Variants in TTLL5 observed in about 807,000 individuals in gnomAD.
TTLL5 encodes tubulin tyrosine ligase like 5.
TTLL5 carries 132 observed loss-of-function variants against 168.4 expected under a neutral mutation model. The ratio of observed to expected loss-of-function variants is 0.78; its 90% CI spans 0.68 to 0.91. The LOEUF (loss-of-function observed/expected upper bound fraction) is 0.91. TTLL5 is among the 40% of genes least tolerant of loss of function. The pLI is 0.00. For synonymous variants in TTLL5, 546 were observed against 558.6 expected, an observed-to-expected ratio of 0.98 and a Z score of 0.32; for missense variants, 1,545 against 1,581.5, an observed-to-expected ratio of 0.98 and a Z score of 0.39.
chr14:75,692,988 G>A (rs1372375613), intron 6 of TTLL5, among the ~76,000 whole-genome samples: 14 of 152,170 alleles, frequency 9.2e-5, no homozygotes, highest in South Asian at 8.3e-4. Flanking sequence ...CAGCAGCACC[G>A]CAGAGAATCA....
At chr14:75,935,952 A>G (rs1214211354) in intron 31 of TTLL5, among the ~76,000 whole-genome samples, 1 of 152,238 alleles carries the variant, frequency 6.6e-6, no homozygotes, top group Non-Finnish European at 1.5e-5. Context: ...AGTTTTTAAA[A>G]GAGAAAACCC....
chr14:75,700,455 A>G (rs1886188532), intron 7 of TTLL5, among the ~76,000 whole-genome samples: 1 of 152,146 alleles, frequency 6.6e-6, no homozygotes, highest in South Asian at 2.1e-4. Flanking sequence ...AGGCAAAAAC[A>G]CTTCAAATGA....
chr14:75,712,307 C>T (rs1405515872), intron 9 of TTLL5: 1 of 151,738 alleles, frequency 6.6e-6, no homozygotes, highest in Non-Finnish European at 1.5e-5. Context: ...AATGCCTACA[C>T]CTGTTGAAGG....
Position 75,891,623 on chromosome 14 carries a change from A to G in TTLL5, c.3740+8721A>G, listed in dbSNP as rs143942995. On this transcript the variant is annotated intron_variant, in intron 30 of 31. Transcript: ENST00000298832. The stretch of plus-strand genomic sequence containing the variant: ...GCAAATGGCAGTGGTGATGGTGGAG[A>G]TGGAAGTGGTGGAGATAGTGATGGC... Among the ~76,000 whole-genome samples the G allele has an allele frequency of 2.6e-5, 4 of 152,254 alleles. No homozygotes were observed. In the East Asian group the frequency reaches 5.8e-4, roughly 22 times the overall value.
At chr14:75,724,891 T>C (rs1355235325) in intron 12 of TTLL5, among the ~76,000 whole-genome samples, 1 of 152,212 alleles carries the variant, frequency 6.6e-6, no homozygotes, top group Non-Finnish European at 1.5e-5. Context: ...TGAGAATAGC[T>C]TTTGGATCAG....
intron 24 of TTLL5, among the ~76,000 whole-genome samples, chr14:75,781,551 C>T (rs1358216055): frequency 6.6e-6 from 1 of 152,156 alleles, no homozygotes; most frequent in Non-Finnish European, 1.5e-5. Flanking sequence ...ATGATTAGCT[C>T]TGGCTATTCT....
intron 26 of TTLL5, among the ~76,000 whole-genome samples, chr14:75,784,006 A>G (rs1892220262): frequency 6.6e-6 from 1 of 152,376 alleles, no homozygotes; most frequent in East Asian, 1.9e-4. Context: ...TTTTAATAAC[A>G]GCTTTATTGA....
intron 28 of TTLL5, among the ~76,000 whole-genome samples, chr14:75,858,357 A>C (rs892961452): frequency 9.2e-5 from 14 of 152,254 alleles, no homozygotes; most frequent in African/African-American, 3.4e-4. Flanking sequence ...AAGAAATGCC[A>C]GTGCTACTTA....
At chr14:75,699,010 T>G (rs982562815) in intron 6 of TTLL5, among the ~76,000 whole-genome samples, 178 bp from the exon 7 acceptor site, 2 of 152,186 alleles carry the variant, frequency 1.3e-5, no homozygotes, top group Admixed American at 1.3e-4. Context: ...CGCTCTATTT[T>G]TATTTTTAAG....
chr14:75,699,116 T>C (rs1384576677), intron 6 of TTLL5, 72 bp from the exon 7 acceptor site: 11 of 1,368,598 alleles, frequency 8.0e-6, no homozygotes, highest in Admixed American at 5.3e-5. Flanking sequence ...TTTTTGAAAG[T>C]TGATATAATA....
intron 7 of TTLL5, among the ~76,000 whole-genome samples, chr14:75,699,674 T>A (rs1187424253): frequency 5.9e-5 from 9 of 152,332 alleles, no homozygotes; most frequent in Admixed American, 3.3e-4. Flanking sequence ...AACCTTAATT[T>A]GGTATGGTAT....
At chr14:75,819,755 C>G (rs1894723370) in intron 27 of TTLL5, among the ~76,000 whole-genome samples, 1 of 152,030 alleles carries the variant, frequency 6.6e-6, no homozygotes, top group Non-Finnish European at 1.5e-5. Flanking sequence ...TTTCATAGAC[C>G]CGGCACAGTC....
intron 18 of TTLL5, 38 bp from the exon 19 acceptor site, chr14:75,764,577 T>G: frequency 6.2e-7 from 1 of 1,609,310 alleles, no homozygotes; most frequent in Non-Finnish European, 8.5e-7. Context: ...GGAGAGAACT[T>G]TCTGAAGGCC....
chr14:75,846,125 G>A (rs1256736925), intron 28 of TTLL5, among the ~76,000 whole-genome samples: 2 of 152,316 alleles, frequency 1.3e-5, no homozygotes, highest in African/African-American at 2.4e-5. Context: ...AGCCTGAAGA[G>A]GCTAACTATC....
intron 15 of TTLL5, among the ~76,000 whole-genome samples, chr14:75,738,764 T>A (rs1454968940): frequency 6.6e-6 from 1 of 152,112 alleles, no homozygotes; most frequent in Non-Finnish European, 1.5e-5. Flanking sequence ...GCCTGTGGCA[T>A]TTGACTGTAA....
chr14:75,777,076 G>A (rs1259741537), intron 23 of TTLL5, among the ~76,000 whole-genome samples: 1 of 152,162 alleles, frequency 6.6e-6, no homozygotes, highest in East Asian at 1.9e-4. Context: ...GTGAGACCCT[G>A]TCTCTAAATG....
chr14:75,731,711 G>T (rs1366671038), intron 12 of TTLL5, among the ~76,000 whole-genome samples: 2 of 152,188 alleles, frequency 1.3e-5, no homozygotes, highest in East Asian at 3.9e-4. Flanking sequence ...CTCTTTCCTT[G>T]TCTGTCTTTT....
At chr14:75,914,763 A>G (rs1354294799) in intron 31 of TTLL5, among the ~76,000 whole-genome samples, 1 of 151,908 alleles carries the variant, frequency 6.6e-6, no homozygotes, top group Non-Finnish European at 1.5e-5. Context: ...AGCTGGGACT[A>G]CAGGAGCCTG....
chr14:75,922,448 T>C (rs1195311150), intron 31 of TTLL5, among the ~76,000 whole-genome samples: 1 of 152,140 alleles, frequency 6.6e-6, no homozygotes, highest in African/African-American at 2.4e-5. Flanking sequence ...TGAAGGGCTG[T>C]TGAATTTTGT....
Sources: gnomAD v4.1 joint callset for allele counts (sites outside exome capture counted in the v4.1 genomes callset) on GRCh38, gnomAD v4.1.1 for gene constraint, MANE v1.5 for transcripts, NCBI Gene and HGNC (gene_info 2026-07-23, HGNC 2026-07-21) for gene names.